CEP112: variants seen among roughly 807,000 people sequenced by gnomAD.
The protein encoded by CEP112 is centrosomal protein of 112 kDa.
A neutral mutation model predicts 153.0 loss-of-function variants in CEP112; 127 were observed. The ratio of observed to expected loss-of-function variants is 0.83; its 90% CI spans 0.72 to 0.96. CEP112 has a LOEUF of 0.96. CEP112 is among the 40% of genes least tolerant of loss of function. CEP112 has a pLI of 0.00. For missense variants in CEP112, 1,089 were observed against 1,101.2 expected (o/e 0.99, Z 0.16); for synonymous variants, 358 against 374.4 (o/e 0.96, Z 0.51).
intron 17 of CEP112, among the ~76,000 whole-genome samples, chr17:65,967,306 G>A (rs539496476): frequency 6.6e-6 from 1 of 152,284 alleles, no homozygotes; most frequent in African/African-American, 2.4e-5. Context: ...CAGCTAGGAC[G>A]TCTATAAATC....
intron 8 of CEP112, among the ~76,000 whole-genome samples, chr17:66,084,874 G>A (rs1007457523): frequency 2.0e-5 from 3 of 152,124 alleles, no homozygotes; most frequent in Non-Finnish European, 4.4e-5. Context: ...CATTTACCCT[G>A]ATGTGATTAT....
intron 24 of CEP112, among the ~76,000 whole-genome samples, chr17:65,670,523 C>T (rs2144043875): frequency 6.6e-6 from 1 of 152,290 alleles, no homozygotes; most frequent in East Asian, 1.9e-4. Flanking sequence ...ATGCATTCTT[C>T]AGGCTTCACC....
chr17:65,730,685 T>C (rs1353365218), intron 23 of CEP112, among the ~76,000 whole-genome samples: 2 of 152,008 alleles, frequency 1.3e-5, no homozygotes, highest in Non-Finnish European at 2.9e-5. Context: ...GGTTTGTAAT[T>C]TTATTCCTTG....
chr17:65,913,816 G>A, intron 19 of CEP112: 2 of 985,430 alleles, frequency 2.0e-6, no homozygotes, highest in Non-Finnish European at 2.4e-6. Flanking sequence ...TGATTAGCAA[G>A]CTGATAGATG....
intron 24 of CEP112, among the ~76,000 whole-genome samples, chr17:65,683,984 T>C (rs2144285069): frequency 6.6e-6 from 1 of 152,262 alleles, no homozygotes; most frequent in South Asian, 2.1e-4. Flanking sequence ...GAGGTTGCAG[T>C]GAGCCAAGAT....
chr17:65,826,357 G>A (rs564669312), intron 21 of CEP112: 1 of 1,598,244 alleles, frequency 6.3e-7, no homozygotes, highest in South Asian at 1.1e-5. Context: ...AGTGCAGGCT[G>A]TAGGGCAGGC....
At chr17:66,018,491 T>C (rs1042225373) in intron 16 of CEP112, among the ~76,000 whole-genome samples, 2 of 152,204 alleles carry the variant, frequency 1.3e-5, no homozygotes, top group African/African-American at 4.8e-5. Context: ...ACAATGCTTC[T>C]TAACTGCTAT....
intron 24 of CEP112, among the ~76,000 whole-genome samples, chr17:65,669,903 GAAAA>G (rs11346097): frequency 3.2e-5 from 4 of 126,604 alleles, no homozygotes; most frequent in Non-Finnish European, 5.0e-5. Context: ...ACTTCGTCTT[GAAAA>G]AAAAAAAAAA....
chr17:65,933,568 A>G (rs1053653172), intron 18 of CEP112, among the ~76,000 whole-genome samples: 1 of 152,206 alleles, frequency 6.6e-6, no homozygotes. Context: ...CTGTCAATCA[A>G]GAATACTCTA....
chr17:65,713,888 G>A (rs925680128), intron 23 of CEP112, among the ~76,000 whole-genome samples: 7 of 152,086 alleles, frequency 4.6e-5, no homozygotes, highest in Middle Eastern at 3.4e-3. Flanking sequence ...ACGCCCAGCC[G>A]TCGATTGACT....
intron 21 of CEP112, among the ~76,000 whole-genome samples, chr17:65,756,999 A>G (rs2052326500): frequency 6.6e-6 from 1 of 152,176 alleles, no homozygotes; most frequent in Non-Finnish European, 1.5e-5. Context: ...AAATGAGGTC[A>G]TAAGGGTGGG....
Position 66,053,749 on chromosome 17 carries a change from T to A in CEP112, c.1205A>T (p.Gln402Leu). The A allele has an allele frequency of 6.2e-7, 1 of 1,612,984 alleles. No individual in the cohort carries two copies. Residue 402 changes from glutamine to leucine, a missense_variant, in exon 12 of 27, where the codon CAA becomes CTA. By Grantham distance (113) the Gln-to-Leu change is moderately radical. Coordinates refer to ENST00000535342, the MANE Select transcript of CEP112 (RefSeq NM_001199165.4). The part of the protein sequence containing the change: ...LNKMESEYMA[Q>L]TQSTNHMIKE... ...TTAAAGACTCACTGTGGACTGTGTT[T>A]GCGCCATGTATTCACTCTCCATTTT... is the stretch of plus-strand genomic sequence containing the variant.
intron 18 of CEP112, among the ~76,000 whole-genome samples, chr17:65,937,358 A>G (rs2061349452): frequency 9.9e-6 from 1 of 101,346 alleles, no homozygotes; most frequent in Non-Finnish European, 1.9e-5. Context: ...CCGCCATCCC[A>G]TCTAGGAAGT....
At chr17:65,654,016 G>A (rs140383658) in intron 24 of CEP112, among the ~76,000 whole-genome samples, 94 of 131,928 alleles carry the variant, frequency 7.1e-4, no homozygotes, top group African/African-American at 2.6e-3. Context: ...CCGAGATTGC[G>A]CCACTGTACT....
At chr17:66,135,692 A>C (rs2070402321) in intron 4 of CEP112, among the ~76,000 whole-genome samples, 1 of 152,214 alleles carries the variant, frequency 6.6e-6, no homozygotes, top group Admixed American at 6.5e-5. Context: ...AACTAGGAGA[A>C]TATAAATTTT....
At chr17:65,711,768 A>G (rs1193820071) in intron 23 of CEP112, among the ~76,000 whole-genome samples, 5 of 152,198 alleles carry the variant, frequency 3.3e-5, no homozygotes, top group Non-Finnish European at 7.3e-5. Flanking sequence ...AAATGGCAAT[A>G]AAGTACAAGA....
intron 23 of CEP112, 36 bp downstream of exon 23, chr17:65,743,032 A>T: frequency 6.4e-7 from 1 of 1,550,694 alleles, no homozygotes; most frequent in South Asian, 1.2e-5. Flanking sequence ...ACATTAAAGC[A>T]GCTGGTACCA....
chr17:65,968,776 A>G (rs1172526213), intron 17 of CEP112, among the ~76,000 whole-genome samples: 1 of 152,234 alleles, frequency 6.6e-6, no homozygotes. Flanking sequence ...ACAAGCGATG[A>G]AAACAACCCA....
intron 23 of CEP112, among the ~76,000 whole-genome samples, chr17:65,734,711 A>C (rs1456034690): frequency 6.6e-6 from 1 of 152,194 alleles, no homozygotes; most frequent in Non-Finnish European, 1.5e-5. Flanking sequence ...TTTTGATTGA[A>C]GAATAGGAAG....
Sources: allele counts gnomAD v4.1 joint callset (sites outside exome capture counted in the v4.1 genomes callset), GRCh38; gene constraint gnomAD v4.1.1; transcripts MANE v1.5; gene names NCBI Gene and HGNC (gene_info 2026-07-23, HGNC 2026-07-21).